DOCK11: variants seen among roughly 807,000 people sequenced by gnomAD.
DOCK11 encodes the protein dedicator of cytokinesis protein 11.
DOCK11 carries 70 observed loss-of-function variants against 169.1 expected under a neutral mutation model. The observed-to-expected ratio is 0.41, with a 90% CI of 0.34 to 0.51. DOCK11 has a LOEUF of 0.51. Among genes scored for constraint, DOCK11 ranks in the 20% least tolerant of loss-of-function variants. The pLI, the probability that DOCK11 is intolerant of heterozygous loss-of-function variation, is 0.10. For synonymous variants in DOCK11, 529 were observed against 541.3 expected, an observed-to-expected ratio of 0.98 and a Z score of 0.32; for missense variants, 1,166 against 1,538.8, an observed-to-expected ratio of 0.76 and a Z score of 4.05.
rs1333296009 is a variant in DOCK11, at chrX:118,499,457, T to C, written c.102+3384T>C. On this transcript the variant is annotated intron_variant, in intron 1 of 52. Coordinates refer to ENST00000276202, the MANE Select transcript of DOCK11 (RefSeq NM_144658.4). Reference sequence around the variant, plus strand: ...CATCAGCCAGATTTCGTATAATAGCTCCAGTAGAGAAAAGCTCTCCAGAAG... The same window carrying C: ...CATCAGCCAGATTTCGTATAATAGCCCCAGTAGAGAAAAGCTCTCCAGAAG... Among the ~76,000 whole-genome samples the C allele has an allele frequency of 2.7e-5, 3 of 111,646 alleles. 1 individual carries two copies. Among genetic ancestry groups the C allele is most frequent in the African/African-American group, 9.8e-5 (3 of 30,692 alleles).
At chrX:118,589,353 A>T (rs2013915335) in intron 18 of DOCK11, among the ~76,000 whole-genome samples, 1 of 111,551 alleles carries the variant, frequency 9.0e-6, no homozygotes, top group African/African-American at 3.3e-5. Context: ...CCTTTTGTAG[A>T]CCCAATGACT....
intron 10 of DOCK11, among the ~76,000 whole-genome samples, chrX:118,568,488 C>T (rs191864230): frequency 1.2e-3 from 118 of 96,358 alleles, no homozygotes; most frequent in African/African-American, 4.0e-3. Context: ...ATTAAAGCAC[C>T]GTTAAAGATG....
chrX:118,638,933 T>A (rs571057594), intron 37 of DOCK11, among the ~76,000 whole-genome samples: 141 of 112,773 alleles, frequency 1.3e-3, no homozygotes, highest in African/African-American at 4.0e-3. Flanking sequence ...TGTAATTTTT[T>A]AAATGGAAAC....
Position 118,641,263 on chromosome X carries a change from A to G in DOCK11, c.4218A>G (p.Leu1406=), listed in dbSNP as rs751030080. ...GCAATACAGCTACTGAAGTTTCCCT[A>G]ACAGTACTAGACACCATATCATTTT... ...LEGNTATEVS[L]TVLDTISFFT... is the part of the protein sequence containing the mutation. The change falls in exon 39 of 53, where the codon CTA becomes CTG. Residue 1406 remains leucine, a synonymous_variant. Transcript: ENST00000276202. 5.0e-6 allele frequency: 6 copies of G among 1,207,761 alleles called. No individual in the cohort carries two copies. The highest frequency in any genetic ancestry group is 5.6e-6 in the Non-Finnish European group (5 of 891,757).
chrX:118,518,377 T>G (rs2057702480), intron 1 of DOCK11, among the ~76,000 whole-genome samples: 1 of 111,534 alleles, frequency 9.0e-6, no homozygotes, highest in African/African-American at 3.3e-5. Flanking sequence ...TCTTCTGTCT[T>G]CTCTCTACTA....
At chrX:118,535,991 C>T (rs777375285) in intron 1 of DOCK11, among the ~76,000 whole-genome samples, 3 of 111,702 alleles carry the variant, frequency 2.7e-5, no homozygotes, top group African/African-American at 6.5e-5. Flanking sequence ...AAGTCAAATA[C>T]TCTTTATTTG....
At chrX:118,669,091 G>A (rs1347011128) in intron 45 of DOCK11, among the ~76,000 whole-genome samples, 2 of 111,669 alleles carry the variant, frequency 1.8e-5, no homozygotes, top group South Asian at 3.7e-4. Context: ...AGAGTGGCAC[G>A]CTCAGGTTTG....
intron 40 of DOCK11, among the ~76,000 whole-genome samples, chrX:118,647,280 G>A (rs1476596988): frequency 9.7e-6 from 1 of 102,722 alleles, no homozygotes; most frequent in Non-Finnish European, 2.0e-5. Flanking sequence ...TCACAATAAA[G>A]GAACTGTTGA....
rs768501511 is a variant in DOCK11, at chrX:118,655,047, A to T, written c.4969+86A>T. ...TTTGTAGTTTAGCTATGAATATGATATAATAGAACACTGAAAAATATGTTC... is the reference window on the plus strand; with the variant it reads ...TTTGTAGTTTAGCTATGAATATGATTTAATAGAACACTGAAAAATATGTTC... On this transcript the variant is annotated intron_variant, in intron 44 of 52. Coordinates refer to ENST00000276202, the MANE Select transcript of DOCK11 (RefSeq NM_144658.4). The T allele has an allele frequency of 3.6e-5, 31 of 872,614 alleles. No homozygotes were observed. The African/African-American group carries it at 5.8e-4, about 16-fold the overall frequency. 71.9% of individuals were successfully genotyped at this position (872,614 alleles called of 1,213,427 possible). A position where few individuals can be genotyped will look rare whatever the true frequency, so the allele number is the denominator to read the frequency against.
At chrX:118,650,316 A>T (rs1405767002) in intron 41 of DOCK11, among the ~76,000 whole-genome samples, 1 of 112,277 alleles carries the variant, frequency 8.9e-6, no homozygotes, top group Non-Finnish European at 1.9e-5. Context: ...TTATTATTCA[A>T]CATCTCCATA....
chrX:118,606,768 C>T (rs915216219), intron 24 of DOCK11, among the ~76,000 whole-genome samples: 4 of 111,553 alleles, frequency 3.6e-5, no homozygotes, highest in African/African-American at 1.3e-4. Context: ...GTTCCCATAC[C>T]AGTAGCATCA....
At chrX:118,573,421 CAG>C (rs2013341302) in intron 11 of DOCK11, among the ~76,000 whole-genome samples, 1 of 112,501 alleles carries the variant, frequency 8.9e-6, no homozygotes, top group African/African-American at 3.2e-5. Context: ...TGGAACATAA[CAG>C]AAGAGAAGAT....
At chrX:118,501,586 T>A in intron 1 of DOCK11, among the ~76,000 whole-genome samples, 1 of 112,562 alleles carries the variant, frequency 8.9e-6, no homozygotes, top group Middle Eastern at 4.6e-3. Flanking sequence ...GGACTGCATA[T>A]ACTATATATG....
At chrX:118,558,660 A>G (rs1449597112) in intron 6 of DOCK11, among the ~76,000 whole-genome samples, 2 of 112,232 alleles carry the variant, frequency 1.8e-5, no homozygotes, top group Non-Finnish European at 3.8e-5. Context: ...ATCATAAAAT[A>G]TTAGAATGAG....
intron 45 of DOCK11, among the ~76,000 whole-genome samples, chrX:118,663,767 C>T (rs1257679602): frequency 3.8e-5 from 4 of 105,174 alleles, no homozygotes; most frequent in South Asian, 4.4e-4. Flanking sequence ...CTCTGCCTCC[C>T]GGGTTCAAGT....
At chrX:118,498,584 A>C (rs1048331753) in intron 1 of DOCK11, among the ~76,000 whole-genome samples, 2 of 111,523 alleles carry the variant, frequency 1.8e-5, no homozygotes, top group Non-Finnish European at 3.8e-5. Context: ...CTTTTAAGGG[A>C]CAGCTGAGGT....
At chrX:118,607,023 TTCCTTTCCTTC>T (rs1427503434) in intron 24 of DOCK11, among the ~76,000 whole-genome samples, 22 of 109,372 alleles carry the variant, frequency 2.0e-4, no homozygotes, top group African/African-American at 5.6e-4. Context: ...CTTTATTCCT[TTCCTTTCCTTC>T]TCCTTTCCTT....
chrX:118,614,744 A>G lies in DOCK11; in HGVS notation c.3149A>G (p.Tyr1050Cys), dbSNP rs1419633008. 4.2e-6 allele frequency: 5 copies of G among 1,190,409 alleles called. No individual in the cohort carries two copies. The highest frequency in any genetic ancestry group is 1.8e-5 in the South Asian group (1 of 55,214). Residue 1050 changes from tyrosine to cysteine, a missense_variant, in exon 29 of 53, where the codon TAT becomes TGT. Coordinates refer to ENST00000276202, the MANE Select transcript of DOCK11 (RefSeq NM_144658.4). ...RGFIFNLIND[Y>C]ISGFSPKDPK... ...TTTATTTTCAATTTAATAAATGACTATATATCTGGATTCAGCCCCAAAGAT... is the reference window on the plus strand; with the variant it reads ...TTTATTTTCAATTTAATAAATGACTGTATATCTGGATTCAGCCCCAAAGAT...
At chrX:118,587,862 A>G (rs1212899561) in intron 16 of DOCK11, among the ~76,000 whole-genome samples, 2 of 112,046 alleles carry the variant, frequency 1.8e-5, no homozygotes, top group Admixed American at 9.5e-5. Context: ...TGTCAAAATT[A>G]TGATGTGTTA....
Sources: gnomAD v4.1 joint callset for allele counts (sites outside exome capture counted in the v4.1 genomes callset) on GRCh38, gnomAD v4.1.1 for gene constraint, MANE v1.5 for transcripts, NCBI Gene and HGNC (gene_info 2026-07-23, HGNC 2026-07-21) for gene names.